The following SLC25A26 variants were observed in gnomAD, a reference collection of about 807,000 sequenced individuals.
SLC25A26 encodes the protein solute carrier family 25 member 26, also known as mitochondrial S-adenosylmethionine carrier protein.
Under a neutral mutation model 37.8 loss-of-function variants are expected in SLC25A26, and 36 were observed. That is an observed-to-expected ratio of 0.95 (90% confidence interval 0.73 to 1.26). SLC25A26 has a LOEUF of 1.26. Ranked by LOEUF, SLC25A26 falls within the 50% of genes most tolerant of loss-of-function variation. The pLI is 0.00. For missense variants in SLC25A26, 390 were observed against 331.1 expected (o/e 1.18, Z -1.38); for synonymous variants, 129 against 122.5 (o/e 1.05, Z -0.35).
At chr3:66,361,529 A>G (rs1252856818) in intron 6 of SLC25A26, among the ~76,000 whole-genome samples, 1 of 152,232 alleles carries the variant, frequency 6.6e-6, no homozygotes, top group Non-Finnish European at 1.5e-5. Context: ...TATGTAAAGA[A>G]CTCTTAAAAT....
intron 7 of SLC25A26, among the ~76,000 whole-genome samples, chr3:66,366,495 T>G (rs2076826990): frequency 6.6e-6 from 1 of 152,216 alleles, no homozygotes; most frequent in African/African-American, 2.4e-5. Context: ...ATACAACTTC[T>G]CTCATGGTAG....
intron 1 of SLC25A26, among the ~76,000 whole-genome samples, chr3:66,232,897 G>A (rs2072099778): frequency 6.6e-6 from 1 of 152,212 alleles, no homozygotes; most frequent in Non-Finnish European, 1.5e-5. Flanking sequence ...AGAATGAATG[G>A]GAAGTGGGGA....
intron 5 of SLC25A26, among the ~76,000 whole-genome samples, chr3:66,317,517 C>A (rs951356352): frequency 6.6e-6 from 1 of 152,162 alleles, no homozygotes; most frequent in Non-Finnish European, 1.5e-5. Flanking sequence ...AGGCACTGAC[C>A]TGATGCTGGA....
At chr3:66,145,410 T>A (rs1456671423) in intron 1 of SLC25A26, among the ~76,000 whole-genome samples, 1 of 152,204 alleles carries the variant, frequency 6.6e-6, no homozygotes, top group Non-Finnish European at 1.5e-5. Flanking sequence ...TTCAAATTTA[T>A]TGCATTTGTG....
chr3:66,331,796 C>A (rs1048943477), intron 5 of SLC25A26, among the ~76,000 whole-genome samples: 3 of 152,182 alleles, frequency 2.0e-5, no homozygotes, highest in African/African-American at 7.2e-5. Flanking sequence ...ACTTTCCCCA[C>A]CAACTTGTCT....
chr3:66,196,174 C>G (rs1294460809), intron 1 of SLC25A26, among the ~76,000 whole-genome samples: 7 of 151,974 alleles, frequency 4.6e-5, no homozygotes, highest in Non-Finnish European at 7.4e-5. Context: ...ATAAGGAAAA[C>G]CCAGGGGACA....
chr3:66,241,809 G>A lies in SLC25A26; in HGVS notation c.191-1394G>A, dbSNP rs184590267. On this transcript the variant is annotated intron_variant, in intron 2 of 9. Coordinates refer to ENST00000354883, the MANE Select transcript of SLC25A26 (RefSeq NM_001379210.1). ...TAAACCTATGCTGCAGGAGTGAGGG[G>A]TTGGGGTGGGGCTAGAGGGAAACAA... Among the ~76,000 whole-genome samples the A allele has an allele frequency of 2.4e-3, 360 of 152,240 alleles. 2 individuals carry two copies. The highest frequency in any genetic ancestry group is 7.9e-3 in the African/African-American group (328 of 41,542).
At chr3:66,335,649 C>G (rs1012029371) in intron 5 of SLC25A26, among the ~76,000 whole-genome samples, 2 of 152,070 alleles carry the variant, frequency 1.3e-5, no homozygotes, top group Admixed American at 1.3e-4. Context: ...GTAAGAAATA[C>G]GTATCGAGTG....
intron 1 of SLC25A26, among the ~76,000 whole-genome samples, chr3:66,159,704 G>C (rs762063710): frequency 1.3e-5 from 2 of 152,132 alleles, no homozygotes; most frequent in Non-Finnish European, 2.9e-5. Context: ...GCATGTACTC[G>C]AAAAGCCTGA....
chr3:66,209,998 C>A lies in SLC25A26; in HGVS notation c.-353-10744C>A, dbSNP rs1228197167. Reference sequence around the variant, plus strand: ...ACCCTGAAGATGTCTATAGCAATACCAATCCCCTAGCATAGGCTTTTAGGA... The same window carrying A: ...ACCCTGAAGATGTCTATAGCAATACAAATCCCCTAGCATAGGCTTTTAGGA... On this transcript the variant is annotated intron_variant, in intron 1 of 10. Coordinates refer to the SLC25A26 transcript ENST00000676754. Among the ~76,000 whole-genome samples, 125 of 125,042 alleles carry A rather than the reference C, an allele frequency of 1.0e-3. 2 individuals are homozygous for A. Among genetic ancestry groups the A allele is most frequent in the African/African-American group, 3.7e-3 (123 of 33,212 alleles). The allele number at this position is 125,042 out of a possible 152,430, so 82.0% of individuals were successfully genotyped here.
chr3:66,208,969 G>GGT (rs1491299493), intron 1 of SLC25A26, among the ~76,000 whole-genome samples: 8 of 9,262 alleles, frequency 8.6e-4, no homozygotes, highest in South Asian at 6.8e-3. Flanking sequence ...CCCATATAAA[G>GGT]GTGTGTATAT....
At chr3:66,281,338 T>C (rs897260983) in intron 5 of SLC25A26, among the ~76,000 whole-genome samples, 1 of 151,106 alleles carries the variant, frequency 6.6e-6, no homozygotes, top group Non-Finnish European at 1.5e-5. Context: ...AGAGGCAATC[T>C]ATGCGGTAAT....
At chr3:66,303,077 CT>C (rs1024587491) in intron 5 of SLC25A26, among the ~76,000 whole-genome samples, 1 of 152,100 alleles carries the variant, frequency 6.6e-6, no homozygotes, top group Non-Finnish European at 1.5e-5. Context: ...TAAATGTCCC[CT>C]GGGAGGTTGA....
At chr3:66,210,680 T>G (rs1481351425) in intron 1 of SLC25A26, among the ~76,000 whole-genome samples, 1 of 152,126 alleles carries the variant, frequency 6.6e-6, no homozygotes, top group African/African-American at 2.4e-5. Flanking sequence ...GCGAGGCTAA[T>G]TTTTGTATTT....
At chr3:66,185,148 A>G (rs2070801276) in intron 1 of SLC25A26, among the ~76,000 whole-genome samples, 1 of 152,136 alleles carries the variant, frequency 6.6e-6, no homozygotes, top group Non-Finnish European at 1.5e-5. Flanking sequence ...GGCAACCACC[A>G]TCATAGTTTC....
chr3:66,279,327 C>T (rs1273140819), intron 5 of SLC25A26, among the ~76,000 whole-genome samples: 1 of 152,094 alleles, frequency 6.6e-6, no homozygotes. Context: ...TTGCTGTTTC[C>T]TGAAGGCCGC....
At chr3:66,235,386 C>T (rs1299831744) in intron 1 of SLC25A26, among the ~76,000 whole-genome samples, 1 of 152,172 alleles carries the variant, frequency 6.6e-6, no homozygotes, top group African/African-American at 2.4e-5. Flanking sequence ...AGTACAGCTT[C>T]CCCAAAGCAA....
rs113065501 is a variant in SLC25A26, at chr3:66,142,788, G to C, written c.-354+8804G>C. ...CTGTTTTTTCTCTTTTTTTGAGACAGGGTCTGCCTCTGTCACCCAGGCTGG... is the reference window on the plus strand; with the variant it reads ...CTGTTTTTTCTCTTTTTTTGAGACACGGTCTGCCTCTGTCACCCAGGCTGG... On this transcript the variant is annotated intron_variant, in intron 1 of 10. Transcript: ENST00000676754. Among the ~76,000 whole-genome samples the C allele has an allele frequency of 5.7e-3, 870 of 151,990 alleles. 7 individuals carry two copies. The highest frequency in any genetic ancestry group is 0.02 in the African/African-American group (827 of 41,446).
At chr3:66,140,614 C>A (rs1031290946) in intron 1 of SLC25A26, among the ~76,000 whole-genome samples, 1 of 152,192 alleles carries the variant, frequency 6.6e-6, no homozygotes, top group African/African-American at 2.4e-5. Context: ...CCTGAGGTTT[C>A]TGTTCCAAGT....
Sources: allele counts gnomAD v4.1 joint callset (sites outside exome capture counted in the v4.1 genomes callset), GRCh38; gene constraint gnomAD v4.1.1; transcripts MANE v1.5; gene names NCBI Gene and HGNC (gene_info 2026-07-23, HGNC 2026-07-21).